The following SVIL variants were observed in gnomAD, a reference collection of about 807,000 sequenced individuals.
The protein encoded by SVIL is archvillin.
A neutral mutation model predicts 240.4 loss-of-function variants in SVIL; 101 were observed. The ratio of observed to expected loss-of-function variants is 0.42; its 90% CI spans 0.36 to 0.50. The LOEUF (loss-of-function observed/expected upper bound fraction) is 0.50, where lower values mean the gene tolerates loss of function less well. Among genes scored for constraint, SVIL ranks in the 20% least tolerant of loss-of-function variants. The pLI, the probability that SVIL is intolerant of heterozygous loss-of-function variation, is 0.01. For missense variants in SVIL, 2,512 were observed against 2,818.7 expected (o/e 0.89, Z 2.46); for synonymous variants, 999 against 1,100.0 (o/e 0.91, Z 1.82).
Position 29,548,173 on chromosome 10 carries a change from C to T in SVIL, c.827+2424G>A, listed in dbSNP as rs146409434. 2.9e-3 allele frequency among the ~76,000 whole-genome samples: 448 copies of T among 152,294 alleles called. 2 individuals carry two copies. Among genetic ancestry groups the T allele is most frequent in the Middle Eastern group, 0.024 (7 of 294 alleles). ...GTGGTGACAGGTCTTTGGGTTAATA[C>T]ATTTCAGTACCACAAGGGTCTGCTT... On this transcript the variant is annotated intron_variant, in intron 6 of 37. Coordinates refer to ENST00000355867, the MANE Select transcript of SVIL (RefSeq NM_021738.3).
chr10:29,525,085 C>T (rs1385989464), intron 13 of SVIL, among the ~76,000 whole-genome samples: 1 of 152,110 alleles, frequency 6.6e-6, no homozygotes, highest in Admixed American at 6.5e-5. Flanking sequence ...TGTATTTAGA[C>T]CTTATCTAAA....
chr10:29,555,843 C>T (rs1242367783), intron 3 of SVIL, among the ~76,000 whole-genome samples: 1 of 152,232 alleles, frequency 6.6e-6, no homozygotes, highest in African/African-American at 2.4e-5. Context: ...GCCGCTTCTC[C>T]TCCACCCTGT....
chr10:29,698,951 C>T (rs1434491228), intron 1 of SVIL, among the ~76,000 whole-genome samples: 2 of 152,146 alleles, frequency 1.3e-5, no homozygotes, highest in Admixed American at 6.5e-5. Context: ...AAAAAGGAGC[C>T]GGCGGGCTGC....
At chr10:29,719,414 C>G (rs565357284) in intron 1 of SVIL, among the ~76,000 whole-genome samples, 1 of 152,174 alleles carries the variant, frequency 6.6e-6, no homozygotes, top group South Asian at 2.1e-4. Flanking sequence ...ATCTACATCC[C>G]AAAACAAAGC....
chr10:29,605,530 G>C (rs1956987383), intron 1 of SVIL, among the ~76,000 whole-genome samples: 1 of 151,842 alleles, frequency 6.6e-6, no homozygotes, highest in African/African-American at 2.4e-5. Flanking sequence ...TTTGTGAGCT[G>C]TCTGTTCAGA....
chr10:29,662,264 G>T (rs1237121281), intron 2 of SVIL, among the ~76,000 whole-genome samples: 1 of 152,224 alleles, frequency 6.6e-6, no homozygotes, highest in Non-Finnish European at 1.5e-5. Context: ...CAGTTTCCAG[G>T]AGAGCTTCTC....
At position 29,486,427 on chromosome 10, in the gene SVIL, C is replaced by T. The variant is rs112597210; in HGVS notation, c.4616G>A (p.Gly1539Asp). The change falls in exon 25 of 38, where the codon GGC becomes GAC. Residue 1539 changes from glycine to aspartate, a missense_variant. Physicochemically the swap from Gly to Asp is moderately conservative, Grantham distance 94. Coordinates refer to ENST00000355867, the MANE Select transcript of SVIL (RefSeq NM_021738.3). ...AGTCTTACATTGGTAACTGGTTTGGCCACCCAGAAGCTTCCAGAAGTCTTT... is the reference window on the plus strand; with the variant it reads ...AGTCTTACATTGGTAACTGGTTTGGTCACCCAGAAGCTTCCAGAAGTCTTT... ...AAKDFWKLLG[G>D]QTSYQSAGDP... 1 of 1,614,102 alleles carries T rather than the reference C, an allele frequency of 6.2e-7. No individual in the cohort carries two copies. Among genetic ancestry groups the T allele is most frequent in the South Asian group, 1.1e-5 (1 of 91,042 alleles).
chr10:29,515,730 G>A (rs1950157795), intron 16 of SVIL, among the ~76,000 whole-genome samples: 1 of 152,166 alleles, frequency 6.6e-6, no homozygotes, highest in Non-Finnish European at 1.5e-5. Flanking sequence ...TTCATTAAAA[G>A]TCATGAGCTC....
chr10:29,527,073 C>G lies in SVIL; in HGVS notation c.2247-17G>C. The stretch of plus-strand genomic sequence containing the variant: ...ATAGGTTCACTTTAAAAGCAATTGC[C>G]AAAGAGGAAACATTCATAAGGAGAG... On this transcript the variant is annotated splice_polypyrimidine_tract_variant and intron_variant, in intron 12 of 37. Coordinates refer to ENST00000355867, the MANE Select transcript of SVIL (RefSeq NM_021738.3). 6.2e-7 allele frequency: 1 copy of G among 1,603,838 alleles called. No individual in the cohort carries two copies. The highest frequency in any genetic ancestry group is 8.5e-7 in the Non-Finnish European group (1 of 1,171,786).
intron 3 of SVIL, among the ~76,000 whole-genome samples, chr10:29,648,224 C>T (rs1958728329): frequency 6.6e-6 from 1 of 152,136 alleles, no homozygotes; most frequent in African/African-American, 2.4e-5. Flanking sequence ...GTACGTTTGC[C>T]CCTGAATTCT....
intron 23 of SVIL, among the ~76,000 whole-genome samples, 197 bp downstream of exon 23, chr10:29,488,404 G>A (rs1048802572): frequency 6.6e-6 from 1 of 152,154 alleles, no homozygotes; most frequent in Admixed American, 6.5e-5. Flanking sequence ...GCCCTGGTGG[G>A]CAGAATACTT....
intron 1 of SVIL, among the ~76,000 whole-genome samples, chr10:29,603,401 C>G (rs765461841): frequency 6.6e-6 from 1 of 152,140 alleles, no homozygotes; most frequent in African/African-American, 2.4e-5. Context: ...GTGGGGCATG[C>G]TGTGAAGCAA....
At chr10:29,713,123 C>A (rs1024350801) in intron 1 of SVIL, among the ~76,000 whole-genome samples, 1 of 151,812 alleles carries the variant, frequency 6.6e-6, no homozygotes, top group African/African-American at 2.4e-5. Flanking sequence ...TTGCAGTGAG[C>A]CAAGGTGGCA....
chr10:29,579,889 G>C (rs560812770), intron 1 of SVIL, among the ~76,000 whole-genome samples: 1 of 151,936 alleles, frequency 6.6e-6, no homozygotes, highest in African/African-American at 2.4e-5. Flanking sequence ...ATCACTGGGG[G>C]GCGGATGCAA....
At chr10:29,582,229 T>C (rs537234690) in intron 1 of SVIL, among the ~76,000 whole-genome samples, 1 of 152,342 alleles carries the variant, frequency 6.6e-6, no homozygotes, top group South Asian at 2.1e-4. Flanking sequence ...GGTGTGTATA[T>C]TTCAGTGCAA....
intron 1 of SVIL, among the ~76,000 whole-genome samples, chr10:29,706,789 T>G (rs1462923012): frequency 6.6e-6 from 1 of 152,242 alleles, no homozygotes; most frequent in African/African-American, 2.4e-5. Context: ...ATTTAAGTCT[T>G]CAATCCATCA....
intron 6 of SVIL, among the ~76,000 whole-genome samples, chr10:29,548,592 T>C (rs1952915628): frequency 6.6e-6 from 1 of 152,222 alleles, no homozygotes. Flanking sequence ...AGTGGTTTTC[T>C]AATGGCTGAT....
At chr10:29,607,776 A>AGCAGGTCAAG (rs1416934243) in intron 1 of SVIL, among the ~76,000 whole-genome samples, 3 of 152,198 alleles carry the variant, frequency 2.0e-5, no homozygotes, top group Non-Finnish European at 4.4e-5. Flanking sequence ...TCAGAGATGG[A>AGCAGGTCAAG]GCAGGTCAAG....
At chr10:29,732,213 A>G (rs1028323101) in intron 1 of SVIL, among the ~76,000 whole-genome samples, 2 of 152,200 alleles carry the variant, frequency 1.3e-5, no homozygotes, top group Non-Finnish European at 2.9e-5. Flanking sequence ...CCTCCTGTCC[A>G]TGCACTTTCT....
Sources: gnomAD v4.1 joint callset for allele counts (sites outside exome capture counted in the v4.1 genomes callset) on GRCh38, gnomAD v4.1.1 for gene constraint, MANE v1.5 for transcripts, NCBI Gene and HGNC (gene_info 2026-07-23, HGNC 2026-07-21) for gene names.